LINGO1: variants seen among roughly 807,000 people sequenced by gnomAD.
The protein encoded by LINGO1 is leucine-rich repeat and immunoglobulin-like domain-containing nogo receptor-interacting protein 1.
In LINGO1, 11 loss-of-function variants were observed where a neutral mutation model predicts 37.3. That is an observed-to-expected ratio of 0.29 (90% CI 0.19 to 0.49). The LOEUF (loss-of-function observed/expected upper bound fraction) is 0.49. Ranked by LOEUF, LINGO1 falls within the 20% of genes least tolerant of loss-of-function variation. The pLI is 0.99. For synonymous variants in LINGO1, 387 were observed against 403.0 expected (o/e 0.96, Z 0.48); for missense variants, 585 against 878.2 (o/e 0.67, Z 4.22).
chr15:77,794,659 C>T (rs942781878), intron 2 of LINGO1, among the ~76,000 whole-genome samples: 1 of 148,110 alleles, frequency 6.8e-6, no homozygotes, highest in Admixed American at 6.8e-5. Flanking sequence ...GTGATCTCGG[C>T]TCACTGCAAG....
At chr15:77,819,309 G>C (rs1345530475) in intron 1 of LINGO1, 1 of 150,844 alleles carries the variant, frequency 6.6e-6, no homozygotes, top group Non-Finnish European at 1.5e-5. Context: ...TCCGCTCCGG[G>C]CCGGCATCCC....
chr15:77,756,881 C>T (rs1384241261), intron 1 of LINGO1, among the ~76,000 whole-genome samples: 2 of 152,192 alleles, frequency 1.3e-5, no homozygotes, highest in Non-Finnish European at 2.9e-5. Flanking sequence ...TGCACCACCT[C>T]GCACACAGAC....
chr15:77,706,291 A>G (rs1300413313), intron 2 of LINGO1, among the ~76,000 whole-genome samples: 1 of 152,056 alleles, frequency 6.6e-6, no homozygotes, highest in African/African-American at 2.4e-5. Context: ...CAGGCCCACC[A>G]CGGCCTGCCA....
intron 2 of LINGO1, among the ~76,000 whole-genome samples, chr15:77,726,677 T>C (rs1426566416): frequency 6.6e-6 from 1 of 152,208 alleles, no homozygotes; most frequent in Non-Finnish European, 1.5e-5. Context: ...TTCATGACAT[T>C]GGATTTGGCA....
In LINGO1 at chr15:77,652,910, C is replaced by T. The variant is rs888696537; in HGVS notation, c.-13+24179G>A. On this transcript the variant is annotated intron_variant, in intron 3 of 3. Transcript: ENST00000559893. Reference sequence around the variant, plus strand: ...TCCTTCCCTGACTGTGAGCTATTGCCGGGGAGTGCATGGTTTGACCCTCAG... The same window carrying T: ...TCCTTCCCTGACTGTGAGCTATTGCTGGGGAGTGCATGGTTTGACCCTCAG... Among the ~76,000 whole-genome samples, 29 of 152,292 alleles carry T rather than the reference C, an allele frequency of 1.9e-4. 2 individuals carry two copies. The highest frequency in any genetic ancestry group is 9.2e-4 in the Admixed American group (14 of 15,300).
intron 2 of LINGO1, among the ~76,000 whole-genome samples, chr15:77,728,575 C>T (rs1438999469): frequency 1.2e-4 from 18 of 152,236 alleles, no homozygotes; most frequent in Non-Finnish European, 2.9e-5. Flanking sequence ...CTAATGGGAA[C>T]CCCGCCTCAT....
intron 2 of LINGO1, among the ~76,000 whole-genome samples, chr15:77,712,757 C>T (rs2075934307): frequency 6.6e-6 from 1 of 152,172 alleles, no homozygotes; most frequent in Admixed American, 6.5e-5. Context: ...GTCCTCTGCC[C>T]CTGCACATTC....
chr15:77,807,240 CTCAGTAATGTAGTGATTA>C (rs1270360505), intron 1 of LINGO1, among the ~76,000 whole-genome samples: 2 of 152,216 alleles, frequency 1.3e-5, no homozygotes, highest in Non-Finnish European at 2.9e-5. Flanking sequence ...TGTAGTGCAA[CTCAGTAATGTAGTGATTA>C]TGTTTGTGTG....
chr15:77,816,416 C>A (rs1479165741), intron 1 of LINGO1, among the ~76,000 whole-genome samples: 1 of 152,250 alleles, frequency 6.6e-6, no homozygotes, highest in Non-Finnish European at 1.5e-5. Context: ...CCTCAGCCCC[C>A]ACAAAGCTAT....
chr15:77,759,038 G>C (rs1029116799), intron 1 of LINGO1, among the ~76,000 whole-genome samples: 7 of 152,130 alleles, frequency 4.6e-5, no homozygotes, highest in African/African-American at 1.7e-4. Context: ...CACCCTCCCT[G>C]AGTAAGGAGT....
chr15:77,664,369 TGCCCCAGGCCTGTCTGTTATGGGAAG>T (rs1452823280), intron 3 of LINGO1, among the ~76,000 whole-genome samples: 1 of 152,014 alleles, frequency 6.6e-6, no homozygotes, highest in Non-Finnish European at 1.5e-5. Flanking sequence ...CAGGAGCTGG[TGCCCCAGGCCTGTCTGTTATGGGAAG>T]GCCCCAGGCC....
intron 3 of LINGO1, among the ~76,000 whole-genome samples, chr15:77,656,049 T>A (rs899759560): frequency 6.6e-6 from 1 of 152,230 alleles, no homozygotes; most frequent in African/African-American, 2.4e-5. Flanking sequence ...TACCCTCTGC[T>A]GCTTCCAGTG....
chr15:77,642,574 C>T (rs530258886), intron 3 of LINGO1, among the ~76,000 whole-genome samples: 41 of 152,298 alleles, frequency 2.7e-4, no homozygotes, highest in Non-Finnish European at 5.3e-4. Flanking sequence ...AAGGGCCACA[C>T]GAAGGCCAGG....
chr15:77,731,384 G>A (rs902270156), intron 2 of LINGO1, among the ~76,000 whole-genome samples: 2 of 152,152 alleles, frequency 1.3e-5, no homozygotes, highest in Non-Finnish European at 1.5e-5. Context: ...TCCCCTGCCC[G>A]GGACAGCCAG....
chr15:77,673,839 A>G lies in LINGO1; in HGVS notation c.-13+3250T>C, dbSNP rs77742128. ...CAGGCATCTCACCATTTACGTGTCCACTGCTAGGGCTGGCTCACAGATGTG... is the reference window on the plus strand; with the variant it reads ...CAGGCATCTCACCATTTACGTGTCCGCTGCTAGGGCTGGCTCACAGATGTG... On this transcript the variant is annotated intron_variant, in intron 3 of 3. Transcript: ENST00000559893. Among the ~76,000 whole-genome samples the G allele has an allele frequency of 7.7e-3, 1,176 of 152,196 alleles. 21 individuals are homozygous for G. Among genetic ancestry groups the G allele is most frequent in the African/African-American group, 0.027 (1,132 of 41,518 alleles).
At chr15:77,750,029 T>A (rs1259956410) in intron 1 of LINGO1, among the ~76,000 whole-genome samples, 1 of 152,062 alleles carries the variant, frequency 6.6e-6, no homozygotes, top group Non-Finnish European at 1.5e-5. Context: ...GATTTGAACC[T>A]GGGTCTGCCT....
Position 77,696,312 on chromosome 15 carries a change from T to G in LINGO1, c.-281+79A>C, listed in dbSNP as rs1463934530. 5 of 152,382 alleles carry G rather than the reference T, an allele frequency of 3.3e-5. No homozygotes were observed. The East Asian group carries it at 9.7e-4, about 30-fold the overall frequency. 9.4% of individuals were successfully genotyped at this position (152,382 alleles called of 1,614,324 possible). A position where few individuals can be genotyped will look rare whatever the true frequency, so the allele number is the denominator to read the frequency against. On this transcript the variant is annotated intron_variant, in intron 1 of 3. Coordinates refer to the LINGO1 transcript ENST00000559893. ...CAGCCAGCAGCTGCTTTGATGTTTG[T>G]GGCGGGTGCCCGCCTCCCTTCCCTC...
rs61737307 is a variant in LINGO1 at position 77,614,350 on chromosome 15, G to A, written c.1557C>T (p.Pro519=). The change falls in exon 2 of 2, where the codon CCC becomes CCT. Residue 519 remains proline (P), a synonymous_variant. Coordinates refer to ENST00000355300, the MANE Select transcript of LINGO1 (RefSeq NM_032808.7). ...PAHLHVRSYS[P]DWPHQPNKTF... ...TCTTGTTGGGCTGATGGGGCCAGTCGGGCGAGTAGCTGCGCACATGCAGGT... is the reference window on the plus strand; with the variant it reads ...TCTTGTTGGGCTGATGGGGCCAGTCAGGCGAGTAGCTGCGCACATGCAGGT... 1,018 of 1,613,882 alleles carry A rather than the reference G, an allele frequency of 6.3e-4. 3 individuals carry two copies. In the African/African-American group the frequency reaches 0.012, roughly 19 times the overall value.
At chr15:77,635,879 A>C (rs1244198695), upstream of LINGO1, among the ~76,000 whole-genome samples, 1 of 152,244 alleles carries the variant, frequency 6.6e-6, no homozygotes, top group Non-Finnish European at 1.5e-5. Context: ...AGTCCCAATA[A>C]AGCAGGAGCC....
Sources: allele counts gnomAD v4.1 joint callset (sites outside exome capture counted in the v4.1 genomes callset), GRCh38; gene constraint gnomAD v4.1.1; transcripts MANE v1.5; gene names NCBI Gene and HGNC (gene_info 2026-07-23, HGNC 2026-07-21).